The following NUP210L variants were observed in gnomAD, a reference collection of about 807,000 sequenced individuals.
NUP210L encodes the protein nucleoporin 210 like.
A neutral mutation model predicts 208.5 loss-of-function variants in NUP210L; 74 were observed. The ratio of observed to expected loss-of-function variants is 0.35; its 90% confidence interval spans 0.29 to 0.43. The LOEUF (loss-of-function observed/expected upper bound fraction) is 0.43, where lower values mean the gene tolerates loss of function less well. NUP210L is among the 20% of genes least tolerant of loss of function. The pLI, the probability that NUP210L is intolerant of heterozygous loss-of-function variation, is 1.00. For missense variants in NUP210L, 1,843 were observed against 2,289.4 expected (o/e 0.81, Z 3.98); for synonymous variants, 780 against 816.9 (o/e 0.95, Z 0.77).
At chr1:154,123,652 TGG>T (rs1403248296) in intron 10 of NUP210L, among the ~76,000 whole-genome samples, 2 of 150,386 alleles carry the variant, frequency 1.3e-5, no homozygotes, top group Non-Finnish European at 3.0e-5. Flanking sequence ...CCAAGGCGGG[TGG>T]ATCACTTGAG....
intron 17 of NUP210L, among the ~76,000 whole-genome samples, chr1:154,068,908 T>C (rs534469116): frequency 1.3e-5 from 2 of 152,106 alleles, no homozygotes; most frequent in Non-Finnish European, 2.9e-5. Flanking sequence ...CGCACCAGCA[T>C]GGCACATGTA....
chr1:154,089,591 G>GA lies in NUP210L; in HGVS notation c.2190dup (p.Leu731SerfsTer15). On this transcript the variant is annotated frameshift_variant, in exon 16 of 40. Coordinates refer to ENST00000368559, the Ensembl canonical transcript of NUP210L. LOFTEE classifies it high-confidence loss of function. The stretch of plus-strand genomic sequence containing the variant: ...GGATGATTTCCAATTCGGAATGTGA[G>GA]AACCTTTAAGGAAGTCACAGAGCAA... 1 of 1,613,638 alleles carries GA rather than the reference G, an allele frequency of 6.2e-7. No homozygotes were observed. Among genetic ancestry groups the GA allele is most frequent in the Non-Finnish European group, 8.5e-7 (1 of 1,179,644 alleles).
chr1:154,109,388 A>G (rs1166064758), intron 12 of NUP210L, among the ~76,000 whole-genome samples: 2 of 151,646 alleles, frequency 1.3e-5, no homozygotes, highest in African/African-American at 4.9e-5. Flanking sequence ...ATCCAGATGT[A>G]TAAGGCAAAT....
chr1:154,138,128 T>G, exon 6 of NUP210L: 3 of 1,505,272 alleles, frequency 2.0e-6, no homozygotes, highest in Non-Finnish European at 2.6e-6. Context: ...CTTGAACCAT[T>G]TTTGCAACTT....
At chr1:153,994,951 G>T in intron 38 of NUP210L, 125 bp downstream of exon 38, 1 of 568,132 alleles carries the variant, frequency 1.8e-6, no homozygotes, top group Admixed American at 3.2e-5. Flanking sequence ...GGCAGAGGTT[G>T]CTGTAAGCCA....
chr1:154,046,105 T>C (rs756130585), exon 27 of NUP210L: 2 of 1,614,154 alleles, frequency 1.2e-6, no homozygotes, highest in Non-Finnish European at 1.7e-6. Context: ...ATACATCCCT[T>C]TTGCTCATAG....
At chr1:154,072,479 T>C (rs951163693) in intron 16 of NUP210L, among the ~76,000 whole-genome samples, 26 of 151,840 alleles carry the variant, frequency 1.7e-4, no homozygotes, top group South Asian at 6.3e-4. Flanking sequence ...ACTACAGGCG[T>C]CTGCCACCAC....
intron 3 of NUP210L, among the ~76,000 whole-genome samples, chr1:154,142,888 C>CA (rs55674398): frequency 3.6e-3 from 466 of 130,084 alleles, no homozygotes; most frequent in Non-Finnish European, 4.4e-3. Flanking sequence ...GACTCCATCT[C>CA]AAAAAAAAAA....
intron 2 of NUP210L, among the ~76,000 whole-genome samples, chr1:154,144,565 G>A (rs1659027420): frequency 6.6e-6 from 1 of 151,938 alleles, no homozygotes; most frequent in Non-Finnish European, 1.5e-5. Context: ...AGAATAAAAT[G>A]AGAATGAAAT....
chr1:154,081,545 T>C (rs1410189238), intron 16 of NUP210L, among the ~76,000 whole-genome samples: 2 of 152,134 alleles, frequency 1.3e-5, no homozygotes, highest in African/African-American at 4.8e-5. Flanking sequence ...ATCATGTGAT[T>C]AGAAGGATGA....
chr1:154,144,359 G>A (rs1294680946), intron 2 of NUP210L, among the ~76,000 whole-genome samples: 1 of 152,008 alleles, frequency 6.6e-6, no homozygotes, highest in Non-Finnish European at 1.5e-5. Flanking sequence ...TAAAACAGTG[G>A]CAACTGTAAG....
At chr1:154,148,111 C>T (rs578122835) in intron 2 of NUP210L, among the ~76,000 whole-genome samples, 30 of 150,628 alleles carry the variant, frequency 2.0e-4, no homozygotes, top group African/African-American at 7.3e-4. Context: ...TATTAAAATA[C>T]AAAAAATTAG....
intron 16 of NUP210L, among the ~76,000 whole-genome samples, chr1:154,082,462 A>G (rs1471813318): frequency 6.6e-6 from 1 of 152,220 alleles, no homozygotes; most frequent in Non-Finnish European, 1.5e-5. Context: ...AGACAATTCA[A>G]TAATAGTTAG....
At chr1:154,047,249 A>G (rs1261938522) in intron 25 of NUP210L, among the ~76,000 whole-genome samples, 1 of 151,712 alleles carries the variant, frequency 6.6e-6, no homozygotes, top group Admixed American at 6.5e-5. Context: ...CTAAAAGAGT[A>G]TAATTGGATT....
chr1:154,070,348 G>C (rs367667136), exon 17 of NUP210L: 32 of 1,613,616 alleles, frequency 2.0e-5, no homozygotes, highest in Non-Finnish European at 2.7e-5. Context: ...AAATGGGCTA[G>C]TGTTTCATTG....
intron 16 of NUP210L, among the ~76,000 whole-genome samples, chr1:154,076,937 C>T (rs1163881478): frequency 1.3e-5 from 2 of 152,138 alleles, no homozygotes; most frequent in African/African-American, 4.8e-5. Context: ...ACATCATAAT[C>T]AATCTGTCCA....
intron 27 of NUP210L, among the ~76,000 whole-genome samples, chr1:154,031,721 CTTT>C (rs780787597): frequency 5.0e-5 from 7 of 140,072 alleles, no homozygotes; most frequent in Admixed American, 1.5e-4. Flanking sequence ...GATCACATTC[CTTT>C]TTTTTTTTTT....
exon 37 of NUP210L, chr1:154,000,962 A>G (rs2147886923): frequency 6.2e-7 from 1 of 1,614,202 alleles, no homozygotes; most frequent in Non-Finnish European, 8.5e-7. Context: ...GCTGGAAGGA[A>G]GTGAAGTTGA....
At chr1:154,126,921 A>C (rs566754998) in intron 9 of NUP210L, among the ~76,000 whole-genome samples, 2 of 152,084 alleles carry the variant, frequency 1.3e-5, no homozygotes, top group African/African-American at 4.8e-5. Context: ...TATAATTCTG[A>C]CCAAATTATA....
Sources: gnomAD v4.1 joint callset for allele counts (sites outside exome capture counted in the v4.1 genomes callset) on GRCh38, gnomAD v4.1.1 for gene constraint, MANE v1.5 for transcripts, NCBI Gene and HGNC (gene_info 2026-07-23, HGNC 2026-07-21) for gene names.